ZNF275: variants seen among roughly 807,000 people sequenced by gnomAD.
The protein encoded by ZNF275 is zinc finger protein 275.
ZNF275 carries 4 observed loss-of-function variants against 4.3 expected under a neutral mutation model. The ratio of observed to expected loss-of-function variants is 0.93; its 90% CI spans 0.46 to 2.13. ZNF275 has a LOEUF of 2.13. Ranked by LOEUF, ZNF275 falls within the 30% of genes most tolerant of loss-of-function variation. The pLI, the probability that ZNF275 is intolerant of heterozygous loss-of-function variation, is 0.02. For synonymous variants in ZNF275, 173 were observed against 166.9 expected (o/e 1.04, Z -0.28); for missense variants, 352 against 397.1 (o/e 0.89, Z 0.97).
chrX:153,345,957 G>A (rs1489985957), intron 3 of ZNF275, among the ~76,000 whole-genome samples: 3 of 108,472 alleles, frequency 2.8e-5, no homozygotes, highest in Non-Finnish European at 3.8e-5. Context: ...TCTTGGGTTC[G>A]GGTTAGGGTT....
chrX:153,347,481 G>T lies in ZNF275; in HGVS notation c.796G>T (p.Asp266Tyr). The change falls in exon 4 of 4, where the codon GAC (aspartate) becomes TAC (tyrosine). Residue 266 changes from aspartate (D) to tyrosine (Y), a missense_variant. By Grantham distance (160) the Asp-to-Tyr change is radical (BLOSUM62 -3). Coordinates refer to ENST00000650114, the MANE Select transcript of ZNF275 (RefSeq NM_001367757.1). ...QRMHTGHLPFDCDDCGKSFRG... is the reference protein window; with the variant it reads ...QRMHTGHLPFYCDDCGKSFRG... Reference sequence around the variant, plus strand: ...CATGCACACTGGCCACCTGCCCTTCGACTGCGACGACTGCGGCAAGTCCTT... The same window carrying T: ...CATGCACACTGGCCACCTGCCCTTCTACTGCGACGACTGCGGCAAGTCCTT... 2 of 1,202,209 alleles carry T rather than the reference G, an allele frequency of 1.7e-6. No homozygotes were observed. Among genetic ancestry groups the T allele is most frequent in the Non-Finnish European group, 1.1e-6 (1 of 890,737 alleles).
chrX:153,343,981 G>A (rs781947900), intron 2 of ZNF275, among the ~76,000 whole-genome samples: 4 of 111,639 alleles, frequency 3.6e-5, no homozygotes, highest in African/African-American at 6.5e-5. Flanking sequence ...AGGCATCTCC[G>A]TGCCCTGGCT....
intron 3 of ZNF275, among the ~76,000 whole-genome samples, chrX:153,345,959 G>A (rs782514587): frequency 3.0e-4 from 33 of 108,891 alleles, no homozygotes; most frequent in Non-Finnish European, 2.7e-4. Context: ...TTGGGTTCGG[G>A]TTAGGGTTGA....
intron 2 of ZNF275, among the ~76,000 whole-genome samples, chrX:153,343,185 A>G: frequency 8.9e-6 from 1 of 112,496 alleles, no homozygotes; most frequent in Non-Finnish European, 1.9e-5. Context: ...TTGTTACTCC[A>G]TCGCAGCCAA....
At chrX:153,337,775 G>A (rs2088455758) in intron 2 of ZNF275, among the ~76,000 whole-genome samples, 1 of 112,165 alleles carries the variant, frequency 8.9e-6, no homozygotes, top group African/African-American at 3.3e-5. Flanking sequence ...TGCTTTCTGG[G>A]AGTTTATAGT....
rs925886367 is a variant in ZNF275, at chrX:153,350,661, C to T, written c.*2686C>T. On this transcript the variant is annotated 3_prime_UTR_variant, in exon 4 of 4. Transcript: ENST00000650114. The stretch of plus-strand genomic sequence containing the variant: ...GGCTGAGGCAGAGCTTCCTAGCAGA[C>T]ACAACTTGGAAGGGCTTCTCAGGCA... 8.1e-6 allele frequency: 1 copy of T among 124,087 alleles called. No individual in the cohort carries two copies. Among genetic ancestry groups the T allele is most frequent in the African/African-American group, 3.2e-5 (1 of 31,059 alleles). The allele number at this position is 124,087 out of a possible 1,213,427, so 10.2% of individuals were successfully genotyped here.
rs373352365 is a variant in ZNF275 at position 153,339,257 on chromosome X, T to C, written c.31+2547T>C. Reference sequence around the variant, plus strand: ...TGCGCTGTTGGAGCTCCATATCTCCTGGGCACTGTCAGTTAGAAACAAGCA... The same window carrying C: ...TGCGCTGTTGGAGCTCCATATCTCCCGGGCACTGTCAGTTAGAAACAAGCA... On this transcript the variant is annotated intron_variant, in intron 2 of 3. Transcript: ENST00000650114. Among the ~76,000 whole-genome samples, 3 of 111,761 alleles carry C rather than the reference T, an allele frequency of 2.7e-5. No homozygotes were observed. The East Asian group carries it at 8.5e-4, about 31-fold the overall frequency.
At chrX:153,337,889 T>A (rs1556960721) in intron 2 of ZNF275, among the ~76,000 whole-genome samples, 1 of 112,220 alleles carries the variant, frequency 8.9e-6, no homozygotes, top group African/African-American at 3.2e-5. Flanking sequence ...CTTTCATATT[T>A]CCCAGTTGTA....
rs2124222542 is a variant in ZNF275 at position 153,352,559 on chromosome X, A to T, written c.*4584A>T. The T allele has an allele frequency of 8.9e-6, 1 of 112,206 alleles. No homozygotes were observed. The highest frequency in any genetic ancestry group is 3.2e-5 in the African/African-American group (1 of 30,859). The allele number at this position is 112,206 out of a possible 1,213,427, so 9.2% of individuals were successfully genotyped here. A position where few individuals can be genotyped will look rare whatever the true frequency, so the allele number is the denominator to read the frequency against. On this transcript the variant is annotated 3_prime_UTR_variant, in exon 4 of 4. Transcript: ENST00000650114. ...CATGTACTTACATTCTGTAGTTCTC[A>T]TTGCATCACTTTGGATGTTTACTTT...
In ZNF275 at chrX:153,347,900, C is replaced by T. The variant is rs1427671314; in HGVS notation, c.1215C>T (p.Cys405=). The change falls in exon 4 of 4, where the codon TGC becomes TGT. Residue 405 remains cysteine, a synonymous_variant. Coordinates refer to ENST00000650114, the MANE Select transcript of ZNF275 (RefSeq NM_001367757.1). ...HRRIHSGARR[C]ECSQCGRVFK... is the part of the protein sequence containing the mutation. Reference sequence around the variant, plus strand: ...GGATCCACAGTGGGGCGCGGCGCTGCGAATGCAGCCAGTGTGGCCGCGTGT... The same window carrying T: ...GGATCCACAGTGGGGCGCGGCGCTGTGAATGCAGCCAGTGTGGCCGCGTGT... 1.7e-5 allele frequency: 20 copies of T among 1,182,646 alleles called. No homozygotes were observed. The highest frequency in any genetic ancestry group is 1.9e-5 in the South Asian group (1 of 53,194).
chrX:153,340,788 C>T (rs1418488571), intron 2 of ZNF275, among the ~76,000 whole-genome samples: 1 of 112,027 alleles, frequency 8.9e-6, no homozygotes, highest in African/African-American at 3.2e-5. Flanking sequence ...CCATCTCCTC[C>T]CCTCCCCTTC....
chrX:153,337,758 G>A (rs1556960711), intron 2 of ZNF275, among the ~76,000 whole-genome samples: 1 of 112,163 alleles, frequency 8.9e-6, no homozygotes, highest in African/African-American at 3.3e-5. Context: ...GACCTTGACA[G>A]GGCCTTTGCT....
At chrX:153,341,727 C>T (rs1022865978) in intron 2 of ZNF275, among the ~76,000 whole-genome samples, 2 of 112,553 alleles carry the variant, frequency 1.8e-5, no homozygotes, top group South Asian at 7.3e-4. Context: ...TCTAAGTTGA[C>T]AGTTTTGTTT....
Position 153,348,327 on chromosome X carries a change from AC to A in ZNF275, c.*353del, listed in dbSNP as rs1195980631. 2 of 124,921 alleles carry A rather than the reference AC, an allele frequency of 1.6e-5. No individual in the cohort carries two copies. The highest frequency in any genetic ancestry group is 6.5e-5 in the African/African-American group (2 of 30,573). The allele number at this position is 124,921 out of a possible 1,213,427, so 10.3% of individuals were successfully genotyped here. A position where few individuals can be genotyped will look rare whatever the true frequency, so the allele number is the denominator to read the frequency against. ...CCAGAGAAACACACAGAGCTGTTCC[AC>A]GATGGCGTCCTCATAATGTGATCCC... On this transcript the variant is annotated 3_prime_UTR_variant, in exon 4 of 4. Transcript: ENST00000650114.
At position 153,347,733 on chromosome X, in the gene ZNF275, G is replaced by A. The variant is rs1247748702; in HGVS notation, c.1048G>A (p.Ala350Thr). ...CATCCACAGTGGCGAGCGGCCCTAC[G>A]CATGCGGCGAGTGTGGCAAGGCCTT... ...ARIHSGERPYACGECGKAFRG... is the reference protein window; with the variant it reads ...ARIHSGERPYTCGECGKAFRG... The change falls in exon 4 of 4, where the codon GCA becomes ACA. Residue 350 changes from alanine to threonine, a missense_variant. By Grantham distance (58) the Ala-to-Thr change is moderately conservative. Transcript: ENST00000650114. 5.0e-6 allele frequency: 6 copies of A among 1,209,151 alleles called. No homozygotes were observed. Among genetic ancestry groups the A allele is most frequent in the East Asian group, 3.0e-5 (1 of 33,753 alleles).
At chrX:153,342,617 A>C (rs2088486102) in intron 2 of ZNF275, among the ~76,000 whole-genome samples, 1 of 111,938 alleles carries the variant, frequency 8.9e-6, no homozygotes, top group African/African-American at 3.3e-5. Flanking sequence ...GATCAGCCCT[A>C]CTACTAAGGC....
chrX:153,340,493 C>T (rs1354006876), intron 2 of ZNF275, among the ~76,000 whole-genome samples: 1 of 113,124 alleles, frequency 8.8e-6, no homozygotes, highest in Non-Finnish European at 1.9e-5. Context: ...CCATTGACTC[C>T]TTGGCCTCAG....
chrX:153,334,706 G>C lies in ZNF275; in HGVS notation c.-47+421G>C, dbSNP rs184106081. On this transcript the variant is annotated intron_variant, in intron 1 of 3. Coordinates refer to ENST00000650114, the MANE Select transcript of ZNF275 (RefSeq NM_001367757.1). ...CGGAGAGAAAGGACCCCTGCCCCTAGCTCCTAGGAGCCCGATCTGGAGGGG... is the reference window on the plus strand; with the variant it reads ...CGGAGAGAAAGGACCCCTGCCCCTACCTCCTAGGAGCCCGATCTGGAGGGG... 8.4e-3 allele frequency among the ~76,000 whole-genome samples: 919 copies of C among 109,918 alleles called. 8 individuals are homozygous for C. Among genetic ancestry groups the C allele is most frequent in the Middle Eastern group, 0.024 (5 of 211 alleles).
chrX:153,344,280 T>C (rs1443374520), intron 2 of ZNF275: 1 of 301,123 alleles, frequency 3.3e-6, no homozygotes, highest in Non-Finnish European at 6.4e-6. Context: ...CCTCAGCCTC[T>C]GTCTCTTGCC....
Sources: allele counts gnomAD v4.1 joint callset (sites outside exome capture counted in the v4.1 genomes callset), GRCh38; gene constraint gnomAD v4.1.1; transcripts MANE v1.5; gene names NCBI Gene and HGNC (gene_info 2026-07-23, HGNC 2026-07-21).